Variants in KDM4C observed in about 807,000 individuals in gnomAD.
The protein encoded by KDM4C is lysine demethylase 4C.
Under a neutral mutation model 129.3 loss-of-function variants are expected in KDM4C, and 81 were observed. The ratio of observed to expected loss-of-function variants is 0.63; its 90% CI spans 0.52 to 0.75. The LOEUF (loss-of-function observed/expected upper bound fraction) is 0.75, where lower values mean the gene tolerates loss of function less well. Among genes scored for constraint, KDM4C ranks in the 30% least tolerant of loss-of-function variants. The pLI, the probability that KDM4C is intolerant of heterozygous loss-of-function variation, is 0.00. For synonymous variants in KDM4C, 573 were observed against 456.1 expected (o/e 1.26, Z -3.26); for missense variants, 1,457 against 1,304.0 (o/e 1.12, Z -1.81).
chr9:6,801,525 C>T (rs944887980), intron 2 of KDM4C, among the ~76,000 whole-genome samples: 9 of 151,156 alleles, frequency 6.0e-5, no homozygotes, highest in Non-Finnish European at 8.8e-5. Flanking sequence ...GCGTGAGCTA[C>T]CGTGCCCAGC....
chr9:6,925,354 G>C (rs893635362), intron 8 of KDM4C: 1 of 985,208 alleles, frequency 1.0e-6, no homozygotes, highest in Non-Finnish European at 1.2e-6. Flanking sequence ...TTTTCTTTTG[G>C]CGAAGAGAAG....
At chr9:7,110,297 T>C (rs1838172157) in intron 18 of KDM4C, among the ~76,000 whole-genome samples, 2 of 152,350 alleles carry the variant, frequency 1.3e-5, no homozygotes, top group Middle Eastern at 3.4e-3. Context: ...TTTTGTTTCA[T>C]TTGAGTGCTG....
chr9:6,732,461 C>G (rs982749730), intron 1 of KDM4C, among the ~76,000 whole-genome samples: 1 of 147,438 alleles, frequency 6.8e-6, no homozygotes, highest in Non-Finnish European at 1.5e-5. Flanking sequence ...TTTGGGAGGC[C>G]GAGGTGGGTG....
At chr9:6,741,469 G>A (rs190673876) in intron 1 of KDM4C, among the ~76,000 whole-genome samples, 4 of 151,934 alleles carry the variant, frequency 2.6e-5, no homozygotes, top group African/African-American at 4.8e-5. Flanking sequence ...CTATTTACTC[G>A]GGTATTTAGC....
intron 19 of KDM4C, among the ~76,000 whole-genome samples, chr9:7,149,777 C>G (rs1257080439): frequency 6.6e-6 from 1 of 152,188 alleles, no homozygotes; most frequent in Non-Finnish European, 1.5e-5. Context: ...GCTCATTGGT[C>G]AGAGAGTCCC....
rs114604403 is a variant in KDM4C, at chr9:6,792,711, G to A, written c.-17-261G>A. Among the ~76,000 whole-genome samples, 737 of 152,252 alleles carry A rather than the reference G, an allele frequency of 4.8e-3. 7 individuals are homozygous for A. The highest frequency in any genetic ancestry group is 0.017 in the African/African-American group (715 of 41,550). On this transcript the variant is annotated intron_variant, in intron 1 of 21. Transcript: ENST00000381309. ...CTAGAAAATTTATTTTTACTTGGAAGGGTTTTGAGGAGGCTAACAGTATAG... is the reference window on the plus strand; with the variant it reads ...CTAGAAAATTTATTTTTACTTGGAAAGGTTTTGAGGAGGCTAACAGTATAG...
intron 15 of KDM4C, among the ~76,000 whole-genome samples, chr9:7,035,255 C>G (rs901306491): frequency 2.0e-5 from 3 of 149,726 alleles, no homozygotes; most frequent in African/African-American, 7.3e-5. Flanking sequence ...CTCAAGTGAT[C>G]CTCCCGCCTT....
chr9:6,948,971 A>C (rs562583249), intron 8 of KDM4C, among the ~76,000 whole-genome samples: 6 of 152,352 alleles, frequency 3.9e-5, no homozygotes, highest in African/African-American at 1.4e-4. Context: ...CATCGTCATC[A>C]TGGCCCGTTC....
chr9:7,116,671 T>C (rs763859864), intron 18 of KDM4C, among the ~76,000 whole-genome samples: 4 of 152,196 alleles, frequency 2.6e-5, no homozygotes, highest in Admixed American at 6.5e-5. Context: ...TTGAGTAACA[T>C]TGGCGAGGTA....
chr9:6,798,891 G>GGCT, intron 2 of KDM4C, among the ~76,000 whole-genome samples: 3 of 151,574 alleles, frequency 2.0e-5, no homozygotes, highest in Admixed American at 1.3e-4. Flanking sequence ...CAGACGGGGC[G>GGCT]GCCGGGCAGA....
intron 18 of KDM4C, among the ~76,000 whole-genome samples, chr9:7,118,341 G>C (rs1457241696): frequency 6.6e-6 from 1 of 152,168 alleles, no homozygotes; most frequent in Admixed American, 6.5e-5. Context: ...ATGTGTATTT[G>C]TGCTGTAAGA....
chr9:7,023,688 T>C (rs567721988), intron 15 of KDM4C, among the ~76,000 whole-genome samples: 6 of 152,184 alleles, frequency 3.9e-5, no homozygotes, highest in Non-Finnish European at 8.8e-5. Flanking sequence ...TTTCGTTTGC[T>C]CTTGCTTTTG....
At chr9:7,156,365 C>A (rs964216673) in intron 19 of KDM4C, among the ~76,000 whole-genome samples, 7 of 152,174 alleles carry the variant, frequency 4.6e-5, no homozygotes, top group African/African-American at 1.7e-4. Context: ...TAATTTCATG[C>A]CATTTGTCAA....
At chr9:6,730,273 AGTAT>A (rs912811515) in intron 1 of KDM4C, among the ~76,000 whole-genome samples, 1 of 152,194 alleles carries the variant, frequency 6.6e-6, no homozygotes, top group African/African-American at 2.4e-5. Context: ...GATACTTTAT[AGTAT>A]GGGCTTGTTA....
chr9:6,754,805 G>C (rs761641569), upstream of KDM4C, among the ~76,000 whole-genome samples: 2 of 149,214 alleles, frequency 1.3e-5, no homozygotes, highest in Non-Finnish European at 3.0e-5. Context: ...GATCCTAGAA[G>C]TGGAGGCTGT....
chr9:7,112,097 A>C (rs1808747964), intron 18 of KDM4C, among the ~76,000 whole-genome samples: 1 of 151,954 alleles, frequency 6.6e-6, no homozygotes, highest in Non-Finnish European at 1.5e-5. Context: ...CAGGCAGGAG[A>C]GGCTATTATT....
At chr9:7,166,048 A>G (rs1404168091) in intron 20 of KDM4C, among the ~76,000 whole-genome samples, 5 of 152,220 alleles carry the variant, frequency 3.3e-5, no homozygotes, top group African/African-American at 9.7e-5. Context: ...GTGCACATTT[A>G]TATTCCTTCA....
At chr9:6,985,970 C>T (rs2381529) in intron 10 of KDM4C, among the ~76,000 whole-genome samples, 84,760 of 152,096 alleles carry the variant, frequency 0.56, 24,103 homozygotes, top group South Asian at 0.73. Flanking sequence ...GGATTACACA[C>T]GTGAGCCACC....
chr9:6,983,176 C>T (rs958325234), intron 9 of KDM4C, among the ~76,000 whole-genome samples: 5 of 152,168 alleles, frequency 3.3e-5, no homozygotes, highest in African/African-American at 7.2e-5. Flanking sequence ...TATAGGTTAT[C>T]GCAGGCCACC....
Sources: allele counts gnomAD v4.1 joint callset (sites outside exome capture counted in the v4.1 genomes callset), GRCh38; gene constraint gnomAD v4.1.1; transcripts MANE v1.5; gene names NCBI Gene and HGNC (gene_info 2026-07-23, HGNC 2026-07-21).